The following NDST4 variants were observed in gnomAD, a reference collection of about 807,000 sequenced individuals.
NDST4 encodes N-deacetylase and N-sulfotransferase 4.
In NDST4, 63 loss-of-function variants were observed where a neutral mutation model predicts 100.8. That is an observed-to-expected ratio of 0.62 (90% CI 0.51 to 0.77). The LOEUF (loss-of-function observed/expected upper bound fraction) is 0.77. Among genes scored for constraint, NDST4 ranks in the 30% least tolerant of loss-of-function variants. The pLI is 0.00. For synonymous variants in NDST4, 377 were observed against 361.8 expected, an observed-to-expected ratio of 1.04 and a Z score of -0.48; for missense variants, 943 against 1,018.4, an observed-to-expected ratio of 0.93 and a Z score of 1.01.
intron 4 of NDST4, among the ~76,000 whole-genome samples, chr4:114,947,907 G>A (rs959723657): frequency 2.6e-5 from 4 of 151,954 alleles, no homozygotes; most frequent in Admixed American, 6.6e-5. Flanking sequence ...TGGGATAGCC[G>A]GGGATGCCTG....
chr4:114,957,093 T>C (rs1726157919), intron 4 of NDST4, among the ~76,000 whole-genome samples: 1 of 152,078 alleles, frequency 6.6e-6, no homozygotes, highest in Admixed American at 6.6e-5. Context: ...TCAATAGAGA[T>C]AGAAATATTA....
At chr4:115,034,204 T>A (rs1047045920) in intron 2 of NDST4, among the ~76,000 whole-genome samples, 1 of 152,070 alleles carries the variant, frequency 6.6e-6, no homozygotes, top group Non-Finnish European at 1.5e-5. Flanking sequence ...ACATGTTAAT[T>A]ACATTCTCTG....
intron 2 of NDST4, among the ~76,000 whole-genome samples, chr4:115,065,066 A>G (rs1490896511): frequency 3.3e-5 from 5 of 152,138 alleles, no homozygotes; most frequent in African/African-American, 1.2e-4. Flanking sequence ...AATAGTGATG[A>G]CATTGTATTT....
intron 2 of NDST4, among the ~76,000 whole-genome samples, chr4:115,054,322 A>G (rs927847110): frequency 3.3e-5 from 5 of 152,118 alleles, no homozygotes; most frequent in Admixed American, 2.6e-4. Context: ...AAGAACTATT[A>G]GACAGAAACT....
chr4:114,876,046 T>C (rs1242451208), intron 6 of NDST4, among the ~76,000 whole-genome samples: 3 of 152,298 alleles, frequency 2.0e-5, no homozygotes, highest in South Asian at 4.1e-4. Context: ...AGTCAAATCA[T>C]GTGCAGAATA....
chr4:114,982,859 A>G (rs1436217005), intron 2 of NDST4, among the ~76,000 whole-genome samples: 1 of 152,154 alleles, frequency 6.6e-6, no homozygotes, highest in African/African-American at 2.4e-5. Flanking sequence ...TTCATGGCCC[A>G]GCTTCTCTGT....
intron 7 of NDST4, among the ~76,000 whole-genome samples, chr4:114,870,553 C>A (rs576590754): frequency 1.8e-4 from 28 of 152,100 alleles, no homozygotes; most frequent in Admixed American, 4.6e-4. Flanking sequence ...ACCAAGCAAC[C>A]AACCAAACAA....
At chr4:115,049,740 G>A (rs1728544298) in intron 2 of NDST4, among the ~76,000 whole-genome samples, 1 of 152,060 alleles carries the variant, frequency 6.6e-6, no homozygotes, top group South Asian at 2.1e-4. Context: ...GATGATGAGG[G>A]CCAGTGAGGT....
intron 6 of NDST4, among the ~76,000 whole-genome samples, chr4:114,931,858 T>C (rs1725523146): frequency 6.6e-6 from 1 of 151,834 alleles, no homozygotes; most frequent in South Asian, 2.1e-4. Context: ...TAAAGGTCTC[T>C]TAGCAAGGAA....
intron 2 of NDST4, among the ~76,000 whole-genome samples, chr4:115,026,075 T>G (rs1399407428): frequency 6.6e-6 from 1 of 152,108 alleles, no homozygotes; most frequent in Non-Finnish European, 1.5e-5. Context: ...TTTGCTCTAG[T>G]TCTAGAATAA....
chr4:114,838,382 C>T (rs1166561597), intron 11 of NDST4, among the ~76,000 whole-genome samples: 2 of 152,134 alleles, frequency 1.3e-5, no homozygotes, highest in Non-Finnish European at 2.9e-5. Flanking sequence ...ATGTTCATTG[C>T]AGCACTATTC....
chr4:115,021,728 C>G (rs1464625844), intron 2 of NDST4, among the ~76,000 whole-genome samples: 1 of 148,154 alleles, frequency 6.7e-6, no homozygotes. Flanking sequence ...TATATACGTT[C>G]CACATCTATA....
At chr4:114,949,312 A>G (rs747687468) in intron 4 of NDST4, among the ~76,000 whole-genome samples, 76 of 152,044 alleles carry the variant, frequency 5.0e-4, no homozygotes, top group Non-Finnish European at 1.5e-4. Flanking sequence ...ATATAAGCAA[A>G]TCTCAAAATA....
intron 6 of NDST4, among the ~76,000 whole-genome samples, chr4:114,930,545 G>T (rs761767797): frequency 6.6e-6 from 1 of 152,136 alleles, no homozygotes; most frequent in Non-Finnish European, 1.5e-5. Context: ...TGAAAATAGT[G>T]TATGTGAATT....
In NDST4 at chr4:115,076,726, A is replaced by G. The variant is rs1380211208; in HGVS notation, c.311T>C (p.Phe104Ser). Reference sequence around the variant, plus strand: ...AGGGGCAATAACCATGTGGTACTGAAATCGGCTGGACTCCAAAATAGCTAT... The same window carrying G: ...AGGGGCAATAACCATGTGGTACTGAGATCGGCTGGACTCCAAAATAGCTAT... ...DIIAILESSR[F>S]QYHMVIAPGK... The change falls in exon 2 of 14, where the codon TTT becomes TCT. Residue 104 changes from phenylalanine to serine, a missense_variant. Phe to Ser is a radical substitution (Grantham distance 155). Around this residue, in one of 2 missense-constraint regions of NDST4, gnomAD observed 417 missense variants for 384.2 expected, o/e 1.09. Coordinates refer to ENST00000264363, the MANE Select transcript of NDST4 (RefSeq NM_022569.3). The G allele has an allele frequency of 1.9e-6, 3 of 1,613,924 alleles. No individual in the cohort carries two copies. The highest frequency in any genetic ancestry group is 2.5e-6 in the Non-Finnish European group (3 of 1,179,924).
chr4:114,879,227 C>T (rs1412187023), intron 6 of NDST4, among the ~76,000 whole-genome samples: 1 of 152,002 alleles, frequency 6.6e-6, no homozygotes, highest in East Asian at 1.9e-4. Flanking sequence ...CATTATTATT[C>T]GCTATAGTCC....
chr4:114,964,260 G>A (rs1237991961), intron 4 of NDST4, among the ~76,000 whole-genome samples: 6 of 152,144 alleles, frequency 3.9e-5, no homozygotes. Flanking sequence ...CAATAACCAT[G>A]TGAGCTTGGC....
At chr4:115,112,200 GAA>G (rs796142657) in intron 1 of NDST4, among the ~76,000 whole-genome samples, 15 of 124,368 alleles carry the variant, frequency 1.2e-4, no homozygotes, top group East Asian at 2.3e-4. Context: ...CTTTTGATAT[GAA>G]AAAAAAAAAA....
chr4:115,045,497 G>A (rs1728446109), intron 2 of NDST4, among the ~76,000 whole-genome samples: 1 of 152,132 alleles, frequency 6.6e-6, no homozygotes, highest in South Asian at 2.1e-4. Context: ...TCCCTGAGAA[G>A]ACTGGCTGTG....
Sources: gnomAD v4.1 joint callset for allele counts (sites outside exome capture counted in the v4.1 genomes callset) on GRCh38, gnomAD v4.1.1 for gene constraint, gnomAD v4.1.1 regional missense constraint, MANE v1.5 for transcripts, NCBI Gene and HGNC (gene_info 2026-07-23, HGNC 2026-07-21) for gene names.